SCLY: variants seen among roughly 807,000 people sequenced by gnomAD.
The protein encoded by SCLY is selenocysteine lyase, also known as putative selenocysteine lyase.
Under a neutral mutation model 50.1 loss-of-function variants are expected in SCLY, and 38 were observed. The observed-to-expected ratio is 0.76, with a 90% CI of 0.59 to 0.99. SCLY has a LOEUF of 0.99. SCLY is among the 50% of genes least tolerant of loss of function. The pLI is 0.00. For missense variants in SCLY, 600 were observed against 620.0 expected, an observed-to-expected ratio of 0.97 and a Z score of 0.34; for synonymous variants, 243 against 249.4, an observed-to-expected ratio of 0.97 and a Z score of 0.24.
intron 7 of SCLY, among the ~76,000 whole-genome samples, chr2:238,085,461 G>A (rs2065284304): frequency 6.6e-6 from 1 of 151,634 alleles, no homozygotes; most frequent in African/African-American, 2.4e-5. Flanking sequence ...GCTCACACCT[G>A]TAATCCCAGC....
intron 1 of SCLY, among the ~76,000 whole-genome samples, chr2:238,062,620 C>T (rs2065028806): frequency 6.6e-6 from 1 of 152,238 alleles, no homozygotes; most frequent in African/African-American, 2.4e-5. Flanking sequence ...CCGTGTTGGC[C>T]AGGCTGACCT....
At chr2:238,061,345 G>A (rs1216063296) in intron 1 of SCLY, 1 of 702,436 alleles carries the variant, frequency 1.4e-6, no homozygotes, top group Non-Finnish European at 2.7e-6. Context: ...AGGGCCCACG[G>A]AGAGGTGACT....
intron 7 of SCLY, among the ~76,000 whole-genome samples, chr2:238,091,013 G>A (rs1355096740): frequency 2.0e-5 from 3 of 152,178 alleles, no homozygotes; most frequent in Non-Finnish European, 2.9e-5. Flanking sequence ...AGTGGGCCTC[G>A]TTGACCTTCA....
At chr2:238,081,479 C>T (rs140794649) in intron 4 of SCLY, 85 of 505,488 alleles carry the variant, frequency 1.7e-4, no homozygotes, top group African/African-American at 1.4e-3. Flanking sequence ...ACAGCTTCCA[C>T]GACACAGATT....
At chr2:238,097,252 G>C (rs1275326218) in intron 11 of SCLY, among the ~76,000 whole-genome samples, 1 of 152,178 alleles carries the variant, frequency 6.6e-6, no homozygotes, top group African/African-American at 2.4e-5. Flanking sequence ...GAGGGCCATG[G>C]TGTGAGCAGA....
At chr2:238,061,748 G>A (rs2065020711) in intron 1 of SCLY, among the ~76,000 whole-genome samples, 2 of 152,236 alleles carry the variant, frequency 1.3e-5, no homozygotes, top group African/African-American at 2.4e-5. Flanking sequence ...GGGAATCAAG[G>A]GTTCTCCCAG....
chr2:238,098,568 T>TGCGAAC lies in SCLY; in HGVS notation c.*215_*216insGAACGC, dbSNP rs1691304588. The TGCGAAC allele has an allele frequency of 2.7e-6, 1 of 373,476 alleles. No individual in the cohort carries two copies. The highest frequency in any genetic ancestry group is 4.5e-6 in the Non-Finnish European group (1 of 222,788). 23.1% of individuals were successfully genotyped at this position (373,476 alleles called of 1,614,324 possible). A position where few individuals can be genotyped will look rare whatever the true frequency, so the allele number is the denominator to read the frequency against. ...CCAGGACACCAACGCCGCATAGGAC[T>TGCGAAC]GCCCACATGGGACCGCCCACATAGG... On this transcript the variant is annotated 3_prime_UTR_variant, in exon 12 of 12. Coordinates refer to ENST00000254663, the MANE Select transcript of SCLY (RefSeq NM_016510.7).
At chr2:238,090,799 TACAC>T (rs144247500) in intron 7 of SCLY, among the ~76,000 whole-genome samples, 14 of 151,146 alleles carry the variant, frequency 9.3e-5, no homozygotes, top group South Asian at 2.1e-4. Flanking sequence ...CTTGCACACA[TACAC>T]ACACACACAC....
Position 238,061,105 on chromosome 2 carries a change from T to A in SCLY, c.51T>A (p.Ser17Arg). ...GGGATGCGCCGGCACCCGCGGCGAG[T>A]CAGCCCAGCGGCTGCGGGAAACACA... is the stretch of plus-strand genomic sequence containing the variant. ...PGRDAPAPAA[S>R]QPSGCGKHNS... Residue 17 changes from serine to arginine, a missense_variant, in exon 1 of 12, where the codon AGT becomes AGA. Coordinates refer to ENST00000254663, the MANE Select transcript of SCLY (RefSeq NM_016510.7). 1 of 1,415,094 alleles carries A rather than the reference T, an allele frequency of 7.1e-7. No homozygotes were observed. The highest frequency in any genetic ancestry group is 9.1e-7 in the Non-Finnish European group (1 of 1,092,970). 87.7% of individuals were successfully genotyped at this position (1,415,094 alleles called of 1,614,324 possible). A position where few individuals can be genotyped will look rare whatever the true frequency, so the allele number is the denominator to read the frequency against.
intron 8 of SCLY, 34 bp from the exon 9 acceptor site, chr2:238,093,827 A>G: frequency 6.3e-7 from 1 of 1,586,582 alleles, no homozygotes. Flanking sequence ...TTTTGCAAGA[A>G]TTGTGCATCC....
chr2:238,098,034 C>G, intron 11 of SCLY, 168 bp from the exon 12 acceptor site: 2 of 738,230 alleles, frequency 2.7e-6, no homozygotes, highest in East Asian at 5.5e-5. Flanking sequence ...TGTGGGTGAT[C>G]TTAGGGGTGT....
intron 4 of SCLY, among the ~76,000 whole-genome samples, chr2:238,071,984 T>TTTCTATAATTTTCAGTTATAGAAAATTC (rs2065132952): frequency 1.3e-5 from 2 of 152,182 alleles, no homozygotes; most frequent in African/African-American, 4.8e-5. Context: ...ATAGAAAATT[T>TTTCTATAATTTTCAGTTATAGAAAATTC]TTCTATAATT....
chr2:238,093,222 A>T (rs772536709), intron 8 of SCLY: 1 of 154,228 alleles, frequency 6.5e-6, no homozygotes, highest in Non-Finnish European at 1.4e-5. Context: ...GATGCCTGCC[A>T]TGGCCTCCTG....
At chr2:238,086,564 G>A (rs1027234859) in intron 7 of SCLY, among the ~76,000 whole-genome samples, 5 of 151,584 alleles carry the variant, frequency 3.3e-5, no homozygotes, top group African/African-American at 7.3e-5. Context: ...TTAATTAGCC[G>A]ACATGGCAGT....
At chr2:238,071,749 C>T (rs1411405567) in intron 4 of SCLY, among the ~76,000 whole-genome samples, 1 of 152,160 alleles carries the variant, frequency 6.6e-6, no homozygotes, top group African/African-American at 2.4e-5. Flanking sequence ...AACTTAAAAA[C>T]CTAACCCCCA....
In SCLY at chr2:238,083,349, G is replaced by T; in HGVS notation, c.879G>T (p.Arg293Ser). Residue 293 changes from arginine to serine, a missense_variant, in exon 7 of 12, where the codon AGG becomes AGT. Physicochemically the swap from Arg to Ser is moderately radical, Grantham distance 110. Coordinates refer to ENST00000254663, the MANE Select transcript of SCLY (RefSeq NM_016510.7). This position sits in a 1 kb window ranked among gnomAD's most constrained non-coding sequence, Gnocchi z 4.3. ...LFGGGQERNF[R>S]PGTENTPMIA... Reference sequence around the variant, plus strand: ...GAGGTGGACAAGAACGGAATTTCAGGCCAGGGTAAGGCAGAAAGTTAACAA... The same window carrying T: ...GAGGTGGACAAGAACGGAATTTCAGTCCAGGGTAAGGCAGAAAGTTAACAA... 1 of 1,605,256 alleles carries T rather than the reference G, an allele frequency of 6.2e-7. No homozygotes were observed. Among genetic ancestry groups the T allele is most frequent in the Non-Finnish European group, 8.5e-7 (1 of 1,171,940 alleles).
chr2:238,093,733 T>G (rs1242873241), intron 8 of SCLY, 128 bp from the exon 9 acceptor site: 1 of 875,270 alleles, frequency 1.1e-6, no homozygotes, highest in Non-Finnish European at 1.8e-6. Context: ...ACTCAAAAAA[T>G]ATGGTCTGTC....
rs985803299 is a variant in SCLY at position 238,066,836 on chromosome 2, A to T, written c.203-1229A>T. 6.6e-6 allele frequency among the ~76,000 whole-genome samples: 1 copy of T among 152,238 alleles called. No individual in the cohort carries two copies. Among genetic ancestry groups the T allele is most frequent in the Non-Finnish European group, 1.5e-5 (1 of 68,040 alleles). ...AGGTTTAATTGACTCACAGTTTCCC[A>T]TGGCTGGGGAGGCCCCACAATCACG... On this transcript the variant is annotated intron_variant, in intron 2 of 11. Transcript: ENST00000254663. The surrounding 1 kb of genome is among the most constrained non-coding windows in gnomAD (Gnocchi z 4.1).
intron 8 of SCLY, chr2:238,092,854 G>T (rs957467578): frequency 6.5e-6 from 1 of 152,968 alleles, no homozygotes. Context: ...CCTTGGTTGC[G>T]TGCTGGCAGC....
Sources: gnomAD v4.1 joint callset for allele counts (sites outside exome capture counted in the v4.1 genomes callset) on GRCh38, gnomAD v4.1.1 for gene constraint, Gnocchi (gnomAD v3.1) non-coding constraint, MANE v1.5 for transcripts, NCBI Gene and HGNC (gene_info 2026-07-23, HGNC 2026-07-21) for gene names.